TENT4A: variants seen among roughly 807,000 people sequenced by gnomAD.
TENT4A encodes the protein DNA polymerase kappa.
Under a neutral mutation model 72.8 loss-of-function variants are expected in TENT4A, and 7 were observed. That is an observed-to-expected ratio of 0.10 (90% CI 0.05 to 0.18). The LOEUF (loss-of-function observed/expected upper bound fraction) is 0.18. TENT4A is among the 10% of genes least tolerant of loss of function. The pLI is 1.00. For synonymous variants in TENT4A, 456 were observed against 434.3 expected, an observed-to-expected ratio of 1.05 and a Z score of -0.62; for missense variants, 831 against 1,017.7, an observed-to-expected ratio of 0.82 and a Z score of 2.50.
chr5:6,728,667 G>A (rs887357037), intron 1 of TENT4A, among the ~76,000 whole-genome samples: 1 of 152,358 alleles, frequency 6.6e-6, no homozygotes, highest in Non-Finnish European at 1.5e-5. Context: ...GTGCTGGGCG[G>A]CAGAGCCCAG....
At chr5:6,722,567 T>TTTTTTTA (rs1740712341) in intron 1 of TENT4A, among the ~76,000 whole-genome samples, 3 of 151,246 alleles carry the variant, frequency 2.0e-5, no homozygotes, top group African/African-American at 7.3e-5. Context: ...TTTTTTTTTT[T>TTTTTTTA]TAACTGTTCT....
chr5:6,730,438 G>A (rs1041108790), intron 1 of TENT4A, among the ~76,000 whole-genome samples: 4 of 152,180 alleles, frequency 2.6e-5, no homozygotes, highest in African/African-American at 9.7e-5. Flanking sequence ...CACCGAGTTA[G>A]CATTGGCTGT....
intron 4 of TENT4A, 117 bp from the exon 5 acceptor site, chr5:6,742,373 C>T (rs1741850145): frequency 1.5e-6 from 1 of 665,406 alleles, no homozygotes; most frequent in South Asian, 1.7e-5. Context: ...TGTTCTCTGA[C>T]CCCCTTTCAT....
chr5:6,719,813 C>G (rs1740558475), intron 1 of TENT4A, among the ~76,000 whole-genome samples: 1 of 152,164 alleles, frequency 6.6e-6, no homozygotes, highest in Non-Finnish European at 1.5e-5. Flanking sequence ...TGCTGTGTAG[C>G]AAATTAACAT....
Position 6,714,200 on chromosome 5 carries a change from C to A in TENT4A, c.217C>A (p.Pro73Thr). 1.0e-6 allele frequency: 1 copy of A among 968,460 alleles called. No homozygotes were observed. The highest frequency in any genetic ancestry group is 1.2e-6 in the Non-Finnish European group (1 of 819,160). The allele number at this position is 968,460 out of a possible 1,614,324, so 60.0% of individuals were successfully genotyped here. Residue 73 changes from proline (P) to threonine (T), a missense_variant, in exon 1 of 13, where the codon CCC (proline) becomes ACC (threonine). Pro to Thr is a conservative substitution (Grantham distance 38, BLOSUM62 -1). This residue lies in a region of TENT4A where 302 missense variants were observed against 293.8 expected (regional missense o/e 1.03). Transcript: ENST00000230859. ...GGGCCCCGCGCTGCCCGCCGCGTCG[C>A]CCCCGCCGCCCGGCCCCACCGCGCC... is the stretch of plus-strand genomic sequence containing the variant. Reference protein sequence around the residue: ...GLGPALPAASPPPPGPTAPAA... With the variant: ...GLGPALPAASTPPPGPTAPAA...
intron 4 of TENT4A, among the ~76,000 whole-genome samples, chr5:6,741,121 G>A (rs1461180211): frequency 1.3e-5 from 2 of 152,226 alleles, no homozygotes; most frequent in Non-Finnish European, 2.9e-5. Context: ...AGGTTGAGCA[G>A]TTACAGTAAC....
chr5:6,736,793 TAAGAG>T (rs1481497396), intron 1 of TENT4A, among the ~76,000 whole-genome samples: 1 of 152,200 alleles, frequency 6.6e-6, no homozygotes, highest in Admixed American at 6.5e-5. Flanking sequence ...AGAGCTTTGT[TAAGAG>T]AGAGAGGCCC....
Position 6,714,144 on chromosome 5 carries a change from C to G in TENT4A, c.161C>G (p.Ala54Gly). 1.0e-6 allele frequency: 1 copy of G among 967,746 alleles called. No homozygotes were observed. Among genetic ancestry groups the G allele is most frequent in the Non-Finnish European group, 1.2e-6 (1 of 821,202 alleles). The allele number at this position is 967,746 out of a possible 1,614,324, so 59.9% of individuals were successfully genotyped here. A position where few individuals can be genotyped will look rare whatever the true frequency, so the allele number is the denominator to read the frequency against. ...NSPALDTAAA[A>G]GAAGRGSGGL... ...CCGGCGCTGGACACGGCGGCCGCGGCGGGGGCGGCCGGGCGGGGCAGTGGC... is the reference window on the plus strand; with the variant it reads ...CCGGCGCTGGACACGGCGGCCGCGGGGGGGGCGGCCGGGCGGGGCAGTGGC... The change falls in exon 1 of 13, where the codon GCG (alanine) becomes GGG (glycine). Residue 54 changes from alanine to glycine, a missense_variant. Around this residue, in one of 3 missense-constraint regions of TENT4A, gnomAD observed 302 missense variants for 293.8 expected, o/e 1.03. Transcript: ENST00000230859.
intron 7 of TENT4A, among the ~76,000 whole-genome samples, chr5:6,747,016 A>C (rs1265833336): frequency 6.6e-6 from 1 of 152,252 alleles, no homozygotes; most frequent in East Asian, 1.9e-4. Context: ...TTATGTCCTC[A>C]TTCCTTTGGT....
At position 6,754,845 on chromosome 5, in the gene TENT4A, C is replaced by T; in HGVS notation, c.2279C>T (p.Pro760Leu). The stretch of plus-strand genomic sequence containing the variant: ...GTGGGTAGCGGAGGTGTGCGGCCCC[C>T]TGTGGGCAACAGGGGACACCACCAG... ...SSVGSGGVRP[P>L]VGNRGHHQYN... Residue 760 changes from proline to leucine, a missense_variant, in exon 13 of 13, where the codon CCT (proline) becomes CTT (leucine). Pro to Leu is a moderately conservative substitution (Grantham distance 98). This residue lies in a region of TENT4A where 332 missense variants were observed against 324.3 expected (regional missense o/e 1.02). Coordinates refer to ENST00000230859, the MANE Select transcript of TENT4A (RefSeq NM_006999.6). The T allele has an allele frequency of 6.2e-7, 1 of 1,610,398 alleles. No homozygotes were observed. Among genetic ancestry groups the T allele is most frequent in the Non-Finnish European group, 8.5e-7 (1 of 1,177,468 alleles).
Position 6,751,105 on chromosome 5 carries a change from C to T in TENT4A, c.1927C>T (p.Leu643Phe). 1.2e-6 allele frequency: 2 copies of T among 1,614,148 alleles called. No individual in the cohort carries two copies. Among genetic ancestry groups the T allele is most frequent in the Non-Finnish European group, 1.7e-6 (2 of 1,180,010 alleles). The change falls in exon 11 of 13, where the codon CTC (leucine) becomes TTC (phenylalanine). Residue 643 changes from leucine (L) to phenylalanine (F), a missense_variant. Leu to Phe is a conservative substitution (Grantham distance 22). Around this residue, in one of 3 missense-constraint regions of TENT4A, gnomAD observed 332 missense variants for 324.3 expected, o/e 1.02. Coordinates refer to ENST00000230859, the MANE Select transcript of TENT4A (RefSeq NM_006999.6). The stretch of plus-strand genomic sequence containing the variant: ...GTTCAGTCTGCAAGCGCCAGCTCCT[C>T]TCATGGCCGGCTTACCCACCGCCTT... ...YQFSLQAPAP[L>F]MAGLPTALPM...
At chr5:6,714,721 G>A in intron 1 of TENT4A, 22 bp downstream of exon 1, 2 of 930,802 alleles carry the variant, frequency 2.1e-6, no homozygotes, top group African/African-American at 3.5e-5. Context: ...GGGAGGCCGC[G>A]GGGGCGGGGG....
intron 1 of TENT4A, among the ~76,000 whole-genome samples, chr5:6,727,508 G>A (rs185004361): frequency 3.3e-5 from 5 of 152,160 alleles, no homozygotes; most frequent in Non-Finnish European, 7.3e-5. Flanking sequence ...CTTAGACTCC[G>A]CTGCTTGGGC....
At position 6,754,972 on chromosome 5, in the gene TENT4A, C is replaced by A. The variant is rs372015045; in HGVS notation, c.*27C>A. 3 of 1,546,250 alleles carry A rather than the reference C, an allele frequency of 1.9e-6. No individual in the cohort carries two copies. Among genetic ancestry groups the A allele is most frequent in the Non-Finnish European group, 2.6e-6 (3 of 1,137,398 alleles). On this transcript the variant is annotated 3_prime_UTR_variant, in exon 13 of 13. Coordinates refer to ENST00000230859, the MANE Select transcript of TENT4A (RefSeq NM_006999.6). Reference sequence around the variant, plus strand: ...GGCTCCTGGCTGCGTCAGCCTCCCCCACCCCTCTGCAGACTGCCCCGCGGC... The same window carrying A: ...GGCTCCTGGCTGCGTCAGCCTCCCCAACCCCTCTGCAGACTGCCCCGCGGC...
At chr5:6,735,517 T>C (rs1741434615) in intron 1 of TENT4A, among the ~76,000 whole-genome samples, 1 of 152,202 alleles carries the variant, frequency 6.6e-6, no homozygotes, top group Admixed American at 6.5e-5. Context: ...ACATATCTAG[T>C]CCTGCTTACA....
chr5:6,749,572 C>T lies in TENT4A; in HGVS notation c.1602C>T (p.Ile534=). ...CCCTTTGCAGTACTTTAGGAAGAAT[C>T]ATCAAAGTAACTCAGGAGGTGATTG... ...NRDAESTLGR[I]IKVTQEVIDY... The change falls in exon 9 of 13, where the codon ATC becomes ATT. Residue 534 remains isoleucine, a synonymous_variant. Coordinates refer to ENST00000230859, the MANE Select transcript of TENT4A (RefSeq NM_006999.6). The T allele has an allele frequency of 6.2e-7, 1 of 1,611,700 alleles. No homozygotes were observed. Among genetic ancestry groups the T allele is most frequent in the Non-Finnish European group, 8.5e-7 (1 of 1,177,834 alleles).
rs1239983436 is a variant in TENT4A at position 6,714,464 on chromosome 5, G to A, written c.481G>A (p.Gly161Ser). The A allele has an allele frequency of 1.2e-5, 14 of 1,180,302 alleles. No individual in the cohort carries two copies. The highest frequency in any genetic ancestry group is 1.6e-5 in the African/African-American group (1 of 62,038). 73.1% of individuals were successfully genotyped at this position (1,180,302 alleles called of 1,614,324 possible). Residue 161 changes from glycine (G) to serine (S), a missense_variant, in exon 1 of 13, where the codon GGC becomes AGC. Transcript: ENST00000230859. ...CGCCGACGGCGCGCCCAGCGCCCCT[G>A]GCACAGCCAACGGGCACCCCGGGCC... is the stretch of plus-strand genomic sequence containing the variant. ...NFADGAPSAP[G>S]TANGHPGPRG...
chr5:6,722,148 T>G (rs1467349076), intron 1 of TENT4A, among the ~76,000 whole-genome samples: 1 of 152,166 alleles, frequency 6.6e-6, no homozygotes, highest in African/African-American at 2.4e-5. Flanking sequence ...TTAGCTGGTT[T>G]CGCCATGGTT....
At chr5:6,754,643 C>A in intron 12 of TENT4A, 108 bp from the exon 13 acceptor site, 1 of 793,830 alleles carries the variant, frequency 1.3e-6, no homozygotes, top group South Asian at 2.7e-5. Flanking sequence ...GTGTCCATCC[C>A]TGCTCTCTAT....
Sources: gnomAD v4.1 joint callset for allele counts (sites outside exome capture counted in the v4.1 genomes callset) on GRCh38, gnomAD v4.1.1 for gene constraint, gnomAD v4.1.1 regional missense constraint, MANE v1.5 for transcripts, NCBI Gene and HGNC (gene_info 2026-07-23, HGNC 2026-07-21) for gene names.